Variants in B3GLCT observed in about 807,000 individuals in gnomAD.
B3GLCT encodes beta 3-glucosyltransferase, also known as beta-1,3-glucosyltransferase.
In B3GLCT, 65 loss-of-function variants were observed where a neutral mutation model predicts 63.4. That is an observed-to-expected ratio of 1.03 (90% CI 0.84 to 1.26). The LOEUF is 1.26. B3GLCT is among the 50% of genes most tolerant of loss of function. The pLI is 0.00. For missense variants in B3GLCT, 577 were observed against 604.8 expected (o/e 0.95, Z 0.48); for synonymous variants, 233 against 219.2 (o/e 1.06, Z -0.55).
chr13:31,221,973 C>T lies in B3GLCT; in HGVS notation c.121-979C>T, dbSNP rs140614789. On this transcript the variant is annotated intron_variant, in intron 2 of 14. Transcript: ENST00000343307. The stretch of plus-strand genomic sequence containing the variant: ...CAGATAAATCTTTTGAGAGTTCCTC[C>T]GTTGATTTACACAGAGTCGAGGTCA... Among the ~76,000 whole-genome samples, 10 of 152,204 alleles carry T rather than the reference C, an allele frequency of 6.6e-5. No homozygotes were observed. The East Asian group carries it at 1.3e-3, about 21-fold the overall frequency.
At chr13:31,242,303 C>T (rs1014332170) in intron 4 of B3GLCT, among the ~76,000 whole-genome samples, 2 of 152,162 alleles carry the variant, frequency 1.3e-5, no homozygotes, top group Admixed American at 6.5e-5. Flanking sequence ...ATCCCTGACA[C>T]ATTATATTGT....
intron 6 of B3GLCT, among the ~76,000 whole-genome samples, chr13:31,253,323 G>A (rs1357060807): frequency 6.6e-6 from 1 of 151,978 alleles, no homozygotes; most frequent in Non-Finnish European, 1.5e-5. Flanking sequence ...CGGGTGCGGT[G>A]GCTCATGCCT....
chr13:31,274,718 T>G (rs919584152), intron 9 of B3GLCT, 90 bp downstream of exon 9: 3 of 1,518,976 alleles, frequency 2.0e-6, no homozygotes, highest in East Asian at 2.3e-5. Context: ...AAATGAATTT[T>G]AAATTCAGGG....
chr13:31,316,274 C>T (rs1303443588), intron 12 of B3GLCT, among the ~76,000 whole-genome samples: 1 of 151,218 alleles, frequency 6.6e-6, no homozygotes, highest in East Asian at 2.0e-4. Context: ...GCACTTAATA[C>T]CAGCCTGTGA....
chr13:31,315,797 G>C (rs1470821259), intron 12 of B3GLCT, among the ~76,000 whole-genome samples: 1 of 152,260 alleles, frequency 6.6e-6, no homozygotes, highest in Non-Finnish European at 1.5e-5. Flanking sequence ...CAGAGGCCTA[G>C]GAGTAAAAGT....
intron 7 of B3GLCT, among the ~76,000 whole-genome samples, chr13:31,263,309 G>A (rs1347734106): frequency 3.3e-5 from 5 of 152,198 alleles, no homozygotes; most frequent in Admixed American, 6.5e-5. Context: ...GGTGTTAGAA[G>A]TAACTATTTA....
chr13:31,250,637 C>T (rs1045877286), intron 6 of B3GLCT, among the ~76,000 whole-genome samples: 6 of 152,256 alleles, frequency 3.9e-5, no homozygotes, highest in Non-Finnish European at 8.8e-5. Flanking sequence ...GAGGCAAGGC[C>T]TCTGCCGCCA....
At chr13:31,272,646 C>G (rs970387193) in intron 8 of B3GLCT, among the ~76,000 whole-genome samples, 4 of 152,114 alleles carry the variant, frequency 2.6e-5, no homozygotes, top group Non-Finnish European at 4.4e-5. Flanking sequence ...ATTTAACATG[C>G]TTTCTTAACC....
At chr13:31,255,769 C>A (rs1871706412) in intron 6 of B3GLCT, among the ~76,000 whole-genome samples, 1 of 152,128 alleles carries the variant, frequency 6.6e-6, no homozygotes, top group Non-Finnish European at 1.5e-5. Context: ...AAACTGGATC[C>A]CTTTCTTACA....
chr13:31,258,935 T>C (rs960912392), intron 6 of B3GLCT, among the ~76,000 whole-genome samples: 3 of 152,196 alleles, frequency 2.0e-5, no homozygotes, highest in Non-Finnish European at 4.4e-5. Context: ...GCCCTTTTCC[T>C]TTTGTCTCAT....
rs762929337 is a variant in B3GLCT, at chr13:31,269,262, A to G, written c.645A>G (p.Ile215Met). Residue 215 changes from isoleucine (I) to methionine (M), a missense_variant, in exon 8 of 15, where the codon ATA (isoleucine) becomes ATG (methionine). Ile to Met is a conservative substitution (Grantham distance 10). Coordinates refer to ENST00000343307, the MANE Select transcript of B3GLCT (RefSeq NM_194318.4). ...AATCCTTGAAATCCGACTTTACAAT[A>G]GATTTAAAACATGAGGTATGTCATG... ...KSESLKSDFT[I>M]DLKHEIALYI... 1 of 1,605,358 alleles carries G rather than the reference A, an allele frequency of 6.2e-7. No individual in the cohort carries two copies. The highest frequency in any genetic ancestry group is 8.5e-7 in the Non-Finnish European group (1 of 1,172,362).
intron 6 of B3GLCT, among the ~76,000 whole-genome samples, chr13:31,248,510 A>G (rs1313892269): frequency 1.3e-5 from 2 of 152,216 alleles, no homozygotes; most frequent in Non-Finnish European, 2.9e-5. Context: ...AGAAGCATAT[A>G]ACAGGGGCAT....
chr13:31,279,613 A>C (rs921402245), intron 10 of B3GLCT, among the ~76,000 whole-genome samples: 1 of 152,208 alleles, frequency 6.6e-6, no homozygotes, highest in Non-Finnish European at 1.5e-5. Context: ...AAATGGAGGC[A>C]GGGCGAGATC....
At chr13:31,317,908 A>AGGCTGAGG (rs779381262) in intron 13 of B3GLCT, among the ~76,000 whole-genome samples, 7 of 151,428 alleles carry the variant, frequency 4.6e-5, no homozygotes, top group East Asian at 1.9e-4. Context: ...AGTATGTCAT[A>AGGCTGAGG]CTTGCTAGAA....
At chr13:31,267,398 A>G (rs1349686113) in intron 7 of B3GLCT, among the ~76,000 whole-genome samples, 4 of 152,276 alleles carry the variant, frequency 2.6e-5, no homozygotes, top group Non-Finnish European at 4.4e-5. Context: ...GGCATGTGGC[A>G]TGAGTCCAAA....
At chr13:31,250,376 G>T (rs1012801575) in intron 6 of B3GLCT, among the ~76,000 whole-genome samples, 3 of 152,146 alleles carry the variant, frequency 2.0e-5, no homozygotes, top group Admixed American at 2.0e-4. Context: ...ATTTTGCCCT[G>T]TTGGCCAGTC....
intron 11 of B3GLCT, among the ~76,000 whole-genome samples, chr13:31,286,370 G>T (rs181226911): frequency 6.6e-5 from 10 of 152,292 alleles, no homozygotes; most frequent in Admixed American, 5.2e-4. Context: ...ATCTAAGAAA[G>T]GATGCCATTG....
intron 14 of B3GLCT, among the ~76,000 whole-genome samples, chr13:31,327,124 A>G (rs1164738985): frequency 6.6e-6 from 1 of 152,194 alleles, no homozygotes; most frequent in Non-Finnish European, 1.5e-5. Flanking sequence ...CCCTACGTAT[A>G]CTATGTTTTT....
chr13:31,200,083 G>A lies in B3GLCT; in HGVS notation c.-2G>A. The A allele has an allele frequency of 2.2e-6, 3 of 1,370,688 alleles. No individual in the cohort carries two copies. The highest frequency in any genetic ancestry group is 1.9e-6 in the Non-Finnish European group (2 of 1,051,706). The allele number at this position is 1,370,688 out of a possible 1,614,324, so 84.9% of individuals were successfully genotyped here. ...GTAGGGCGCTCAGCCTCCGCCGCCA[G>A]GATGCGGCCGCCCGCCTGCTGGTGG... On this transcript the variant is annotated 5_prime_UTR_variant, in exon 1 of 15. Coordinates refer to ENST00000343307, the MANE Select transcript of B3GLCT (RefSeq NM_194318.4).
Sources: allele counts gnomAD v4.1 joint callset (sites outside exome capture counted in the v4.1 genomes callset), GRCh38; gene constraint gnomAD v4.1.1; transcripts MANE v1.5; gene names NCBI Gene and HGNC (gene_info 2026-07-23, HGNC 2026-07-21).